The following CFAP299 variants were observed in gnomAD, a reference collection of about 807,000 sequenced individuals.
CFAP299 encodes cilia- and flagella-associated protein 299.
Under a neutral mutation model 27.0 loss-of-function variants are expected in CFAP299, and 21 were observed. The observed-to-expected ratio is 0.78, with a 90% CI of 0.55 to 1.12. CFAP299 has a LOEUF of 1.12. Ranked by LOEUF, CFAP299 falls within the 50% of genes most tolerant of loss-of-function variation. The pLI is 0.00. For synonymous variants in CFAP299, 104 were observed against 98.1 expected (o/e 1.06, Z -0.36); for missense variants, 310 against 276.6 (o/e 1.12, Z -0.86).
intron 3 of CFAP299, among the ~76,000 whole-genome samples, chr4:80,609,097 T>A (rs1442404568): frequency 6.6e-6 from 1 of 152,066 alleles, no homozygotes; most frequent in Non-Finnish European, 1.5e-5. Flanking sequence ...TGGATGAATT[T>A]TTTGGAAAAG....
At chr4:80,463,413 T>A (rs938670286) in intron 2 of CFAP299, among the ~76,000 whole-genome samples, 1 of 152,192 alleles carries the variant, frequency 6.6e-6, no homozygotes, top group Non-Finnish European at 1.5e-5. Flanking sequence ...TGATTACATA[T>A]AAATATTTAG....
intron 3 of CFAP299, among the ~76,000 whole-genome samples, chr4:80,644,810 T>A (rs575732811): frequency 2.4e-4 from 37 of 152,314 alleles, no homozygotes; most frequent in Non-Finnish European, 3.7e-4. Context: ...TACAAGGCAA[T>A]ATTCCTTAGG....
chr4:80,936,974 T>C (rs978540899), intron 4 of CFAP299, among the ~76,000 whole-genome samples: 3 of 152,128 alleles, frequency 2.0e-5, no homozygotes, highest in Non-Finnish European at 4.4e-5. Flanking sequence ...CTTTGTACTA[T>C]AGTGTTCTTC....
intron 3 of CFAP299, among the ~76,000 whole-genome samples, chr4:80,840,599 G>A (rs1730811724): frequency 6.6e-6 from 1 of 151,998 alleles, no homozygotes; most frequent in Admixed American, 6.6e-5. Flanking sequence ...AAGATTAAGG[G>A]CAGTTCTTTT....
chr4:80,528,871 C>T (rs879286251), intron 2 of CFAP299, among the ~76,000 whole-genome samples: 1 of 152,116 alleles, frequency 6.6e-6, no homozygotes, highest in Non-Finnish European at 1.5e-5. Flanking sequence ...CATATTTTAT[C>T]TCTTACCAAT....
intron 2 of CFAP299, among the ~76,000 whole-genome samples, chr4:80,366,288 C>T (rs974842801): frequency 6.6e-6 from 1 of 152,174 alleles, no homozygotes; most frequent in Non-Finnish European, 1.5e-5. Context: ...CCAAGTAGGT[C>T]ACAATTCTTT....
At chr4:80,517,650 G>A (rs1732651184) in intron 2 of CFAP299, among the ~76,000 whole-genome samples, 1 of 152,152 alleles carries the variant, frequency 6.6e-6, no homozygotes, top group Admixed American at 6.6e-5. Context: ...TTCACTAGTG[G>A]GACCTAGAAG....
chr4:80,630,868 A>C (rs976900886), intron 3 of CFAP299, among the ~76,000 whole-genome samples: 4 of 152,062 alleles, frequency 2.6e-5, no homozygotes. Context: ...GAGTTACGTT[A>C]ACATATTACT....
chr4:80,942,636 T>C (rs1032228234), intron 4 of CFAP299, among the ~76,000 whole-genome samples: 3 of 152,152 alleles, frequency 2.0e-5, no homozygotes, highest in Non-Finnish European at 4.4e-5. Context: ...TAGAAAACAT[T>C]TATATAAAAA....
rs540513041 is a variant in CFAP299, at chr4:80,736,654, C to T, written c.334-133339C>T. Among the ~76,000 whole-genome samples, 287 of 152,226 alleles carry T rather than the reference C, an allele frequency of 1.9e-3. 2 individuals are homozygous for T. Among genetic ancestry groups the T allele is most frequent in the African/African-American group, 6.8e-3 (282 of 41,562 alleles). On this transcript the variant is annotated intron_variant, in intron 3 of 5. Transcript: ENST00000358105. ...GTTAGAATGGCATTCATTAAAAAGT[C>T]AGGAAACAGCAGGTGCTGGAGAGGA...
chr4:80,339,118 T>A (rs895995324), intron 1 of CFAP299, among the ~76,000 whole-genome samples: 1 of 152,206 alleles, frequency 6.6e-6, no homozygotes, highest in Non-Finnish European at 1.5e-5. Flanking sequence ...TTCCTTAGGT[T>A]TGGCCATCTT....
intron 3 of CFAP299, among the ~76,000 whole-genome samples, chr4:80,668,151 T>G (rs1389977113): frequency 2.1e-5 from 1 of 47,506 alleles, no homozygotes; most frequent in Non-Finnish European, 3.9e-5. Flanking sequence ...TGTTTGTTTT[T>G]AAATAAATTT....
intron 2 of CFAP299, among the ~76,000 whole-genome samples, chr4:80,501,945 T>C (rs1240260127): frequency 1.3e-5 from 2 of 152,054 alleles, no homozygotes; most frequent in Admixed American, 6.6e-5. Flanking sequence ...TTTTAGCTTA[T>C]GGTAAATAAT....
intron 2 of CFAP299, among the ~76,000 whole-genome samples, chr4:80,396,522 T>C (rs570555003): frequency 1.1e-4 from 17 of 152,214 alleles, no homozygotes; most frequent in Non-Finnish European, 2.5e-4. Context: ...ATGGGGAATA[T>C]ACAATGAATT....
intron 3 of CFAP299, among the ~76,000 whole-genome samples, chr4:80,609,290 G>A (rs1411869437): frequency 6.6e-6 from 1 of 152,050 alleles, no homozygotes; most frequent in East Asian, 1.9e-4. Context: ...AATATTCCCA[G>A]TTATTAGGAG....
chr4:80,625,302 A>G (rs1738826954), intron 3 of CFAP299, among the ~76,000 whole-genome samples: 1 of 151,932 alleles, frequency 6.6e-6, no homozygotes, highest in Non-Finnish European at 1.5e-5. Flanking sequence ...TATGTTATCA[A>G]AGTTAAGTTG....
intron 3 of CFAP299, among the ~76,000 whole-genome samples, chr4:80,644,701 T>G (rs1044950432): frequency 1.3e-5 from 2 of 152,288 alleles, no homozygotes; most frequent in Admixed American, 1.3e-4. Context: ...TCTTGTTCCT[T>G]GAGTAGATTT....
At chr4:80,898,043 G>T (rs1343537002) in intron 4 of CFAP299, among the ~76,000 whole-genome samples, 2 of 152,088 alleles carry the variant, frequency 1.3e-5, no homozygotes, top group Admixed American at 6.6e-5. Flanking sequence ...CCAGTGGGGT[G>T]CCCAGAACCC....
At chr4:80,439,467 T>C (rs1202710222) in intron 2 of CFAP299, among the ~76,000 whole-genome samples, 1 of 152,160 alleles carries the variant, frequency 6.6e-6, no homozygotes, top group African/African-American at 2.4e-5. Context: ...CCTCCCCTTG[T>C]CAAGGGAAGC....
Sources: allele counts gnomAD v4.1 joint callset (sites outside exome capture counted in the v4.1 genomes callset), GRCh38; gene constraint gnomAD v4.1.1; transcripts MANE v1.5; gene names NCBI Gene and HGNC (gene_info 2026-07-23, HGNC 2026-07-21).